Variants in GADL1 observed in about 807,000 individuals in gnomAD.
GADL1 encodes acidic amino acid decarboxylase GADL1.
GADL1 carries 71 observed loss-of-function variants against 69.5 expected under a neutral mutation model. The ratio of observed to expected loss-of-function variants is 1.02; its 90% CI spans 0.84 to 1.25. The LOEUF (loss-of-function observed/expected upper bound fraction) is 1.25. Among genes scored for constraint, GADL1 ranks in the 50% most tolerant of loss-of-function variants. The probability of loss-of-function intolerance (pLI) is 0.00; values close to 1 mark genes in which losing one functional copy is unlikely to be tolerated. For synonymous variants in GADL1, 254 were observed against 214.4 expected (o/e 1.18, Z -1.62); for missense variants, 737 against 631.8 (o/e 1.17, Z -1.79).
At chr3:30,775,799 TAAA>T (rs935124971) in intron 14 of GADL1, among the ~76,000 whole-genome samples, 1 of 152,150 alleles carries the variant, frequency 6.6e-6, no homozygotes, top group African/African-American at 2.4e-5. Context: ...CCAATTAAGA[TAAA>T]AAGTGCACTA....
intron 14 of GADL1, among the ~76,000 whole-genome samples, chr3:30,739,684 T>C (rs1431791158): frequency 6.6e-6 from 1 of 152,184 alleles, no homozygotes; most frequent in Non-Finnish European, 1.5e-5. Context: ...ACCTGAACTT[T>C]TAAAGTCCCA....
chr3:30,818,904 G>T lies in GADL1; in HGVS notation c.1050+14949C>A, dbSNP rs148161647. Among the ~76,000 whole-genome samples the T allele has an allele frequency of 9.2e-5, 14 of 152,152 alleles. No individual in the cohort carries two copies. The East Asian group carries it at 2.7e-3, about 29-fold the overall frequency. On this transcript the variant is annotated intron_variant, in intron 11 of 14. Coordinates refer to ENST00000282538, the MANE Select transcript of GADL1 (RefSeq NM_207359.3). ...GCCTCTGAATGTCAGATCACTTGAG[G>T]CCTGCTTCTTGCTTCATGCCCCTAT...
intron 1 of GADL1, among the ~76,000 whole-genome samples, chr3:30,872,600 C>A (rs1037923708): frequency 1.3e-5 from 2 of 151,898 alleles, no homozygotes; most frequent in Non-Finnish European, 2.9e-5. Flanking sequence ...AACCACCCTT[C>A]CCCTAGGACA....
intron 11 of GADL1, among the ~76,000 whole-genome samples, chr3:30,811,001 T>A (rs1340892544): frequency 1.3e-5 from 2 of 152,172 alleles, no homozygotes; most frequent in Non-Finnish European, 2.9e-5. Flanking sequence ...AAAAAACCAC[T>A]GACTTCTGAA....
chr3:30,776,973 G>A (rs187834248), intron 14 of GADL1, among the ~76,000 whole-genome samples: 10 of 152,288 alleles, frequency 6.6e-5, no homozygotes, highest in Non-Finnish European at 1.5e-4. Flanking sequence ...CTCAGCTCTA[G>A]TATCACACAT....
At chr3:30,857,322 C>T (rs761204758) in intron 2 of GADL1, among the ~76,000 whole-genome samples, 181 bp from the exon 3 acceptor site, 26 of 151,916 alleles carry the variant, frequency 1.7e-4, no homozygotes, top group Non-Finnish European at 2.6e-4. Flanking sequence ...CAATGAGGGG[C>T]GCCATCTTAG....
intron 14 of GADL1, among the ~76,000 whole-genome samples, chr3:30,738,526 G>C (rs1400170663): frequency 6.6e-6 from 1 of 151,856 alleles, no homozygotes; most frequent in Non-Finnish European, 1.5e-5. Flanking sequence ...ACCTTGCTTT[G>C]GCCCAGAGCA....
At chr3:30,763,371 C>T (rs936365631) in intron 14 of GADL1, among the ~76,000 whole-genome samples, 2 of 151,450 alleles carry the variant, frequency 1.3e-5, no homozygotes, top group African/African-American at 2.4e-5. Context: ...AGTATAGTGG[C>T]CGGCGCCTGT....
intron 14 of GADL1, among the ~76,000 whole-genome samples, chr3:30,740,985 T>TATATA (rs1491189016): frequency 1.6e-5 from 2 of 121,864 alleles, no homozygotes; most frequent in African/African-American, 8.1e-5. Context: ...TAATATATAT[T>TATATA]ATATATTATA....
chr3:30,764,306 C>CT (rs1696215141), intron 14 of GADL1, among the ~76,000 whole-genome samples: 1 of 152,060 alleles, frequency 6.6e-6, no homozygotes. Context: ...AAGACATGAT[C>CT]TGATAGATTC....
At chr3:30,797,374 C>T (rs1398741835) in intron 12 of GADL1, among the ~76,000 whole-genome samples, 1 of 152,138 alleles carries the variant, frequency 6.6e-6, no homozygotes, top group Non-Finnish European at 1.5e-5. Flanking sequence ...CTATAAATCT[C>T]TAAGAAGGTC....
chr3:30,841,897 A>G (rs1248228025), intron 8 of GADL1, among the ~76,000 whole-genome samples: 2 of 152,174 alleles, frequency 1.3e-5, no homozygotes, highest in Non-Finnish European at 2.9e-5. Context: ...CTTAAATCTC[A>G]TTGAGTCTCA....
chr3:30,757,006 A>T (rs1348182013), intron 14 of GADL1, among the ~76,000 whole-genome samples: 1 of 152,148 alleles, frequency 6.6e-6, no homozygotes, highest in Non-Finnish European at 1.5e-5. Flanking sequence ...TTGAGAATCA[A>T]TGACAGCTGT....
intron 8 of GADL1, among the ~76,000 whole-genome samples, chr3:30,842,822 TAAAAAAA>T (rs558126002): frequency 1.9e-5 from 2 of 103,492 alleles, no homozygotes; most frequent in African/African-American, 3.7e-5. Flanking sequence ...TTGGAATGTT[TAAAAAAA>T]AAAAAAAAAA....
At chr3:30,778,109 T>C in intron 14 of GADL1, 70 bp downstream of exon 14, 2 of 877,616 alleles carry the variant, frequency 2.3e-6, no homozygotes, top group Non-Finnish European at 3.8e-6. Context: ...CTCTTATTTA[T>C]AGGATCAACA....
At chr3:30,791,885 C>T (rs993277513) in intron 12 of GADL1, among the ~76,000 whole-genome samples, 1 of 152,062 alleles carries the variant, frequency 6.6e-6, no homozygotes, top group Admixed American at 6.6e-5. Context: ...AAGGGCAGTT[C>T]CCCTGCAGAT....
At chr3:30,730,377 A>G (rs942020148) in intron 14 of GADL1, among the ~76,000 whole-genome samples, 5 of 152,232 alleles carry the variant, frequency 3.3e-5, no homozygotes, top group Non-Finnish European at 7.3e-5. Flanking sequence ...GGATGGCTAA[A>G]CATCATTGTG....
chr3:30,851,224 C>G (rs1010286044), intron 4 of GADL1, among the ~76,000 whole-genome samples: 17 of 152,174 alleles, frequency 1.1e-4, no homozygotes, highest in African/African-American at 4.1e-4. Flanking sequence ...AATGCATTTG[C>G]GTGCTATGTA....
chr3:30,826,625 C>T (rs771216250), intron 11 of GADL1, among the ~76,000 whole-genome samples: 60 of 151,822 alleles, frequency 4.0e-4, no homozygotes, highest in Non-Finnish European at 8.1e-4. Context: ...GGCCAAGATG[C>T]TGGATCCAAC....
Sources: allele counts gnomAD v4.1 joint callset (sites outside exome capture counted in the v4.1 genomes callset), GRCh38; gene constraint gnomAD v4.1.1; transcripts MANE v1.5; gene names NCBI Gene and HGNC (gene_info 2026-07-23, HGNC 2026-07-21).